Variants in WDR27 observed in about 807,000 individuals in gnomAD.
The protein encoded by WDR27 is WD repeat-containing protein 27.
A neutral mutation model predicts 114.4 loss-of-function variants in WDR27; 100 were observed. The observed-to-expected ratio is 0.87, with a 90% CI of 0.74 to 1.03. The LOEUF is 1.03. Ranked by LOEUF, WDR27 falls within the 50% of genes least tolerant of loss-of-function variation. WDR27 has a pLI of 0.00. For missense variants in WDR27, 1,129 were observed against 1,092.9 expected, an observed-to-expected ratio of 1.03 and a Z score of -0.47; for synonymous variants, 449 against 423.1, an observed-to-expected ratio of 1.06 and a Z score of -0.75.
chr6:169,481,709 T>G (rs1453509744), intron 25 of WDR27, among the ~76,000 whole-genome samples: 1 of 151,630 alleles, frequency 6.6e-6, no homozygotes, highest in Non-Finnish European at 1.5e-5. Context: ...ACGAACCCAC[T>G]GGGAGAGATG....
At chr6:169,454,406 A>T (rs1438317165), downstream of WDR27, among the ~76,000 whole-genome samples, 2 of 152,086 alleles carry the variant, frequency 1.3e-5, no homozygotes, top group Non-Finnish European at 2.9e-5. Flanking sequence ...TACATGACTC[A>T]CACAGGTTAT....
chr6:169,483,162 G>C (rs1788425970), intron 25 of WDR27, among the ~76,000 whole-genome samples: 3 of 152,180 alleles, frequency 2.0e-5, no homozygotes, highest in African/African-American at 7.2e-5. Context: ...AAAGCTAGCA[G>C]AAGACAAGAA....
chr6:169,500,985 G>C (rs1415307442), intron 25 of WDR27, among the ~76,000 whole-genome samples: 1 of 152,210 alleles, frequency 6.6e-6, no homozygotes, highest in African/African-American at 2.4e-5. Flanking sequence ...CAGGTCAGAG[G>C]CCGGGATTCT....
intron 9 of WDR27, among the ~76,000 whole-genome samples, chr6:169,661,987 G>C (rs73790087): frequency 8.5e-5 from 13 of 152,150 alleles, no homozygotes; most frequent in African/African-American, 3.1e-4. Flanking sequence ...CGGTAGATGG[G>C]AAAGTCTAGG....
At chr6:169,519,077 T>C (rs1463711784) in intron 25 of WDR27, among the ~76,000 whole-genome samples, 1 of 152,252 alleles carries the variant, frequency 6.6e-6, no homozygotes, top group Admixed American at 6.5e-5. Context: ...AAGTTCCTCA[T>C]TTCCATCTGA....
intron 22 of WDR27, among the ~76,000 whole-genome samples, chr6:169,612,235 C>T (rs996660727): frequency 4.7e-5 from 7 of 149,716 alleles, no homozygotes; most frequent in East Asian, 2.0e-4. Flanking sequence ...ATCGAGACCA[C>T]GGTGAGACCC....
intron 25 of WDR27, among the ~76,000 whole-genome samples, chr6:169,516,471 G>GC (rs1562521313): frequency 6.6e-6 from 1 of 151,976 alleles, no homozygotes. Context: ...ACTCCTCCAG[G>GC]GGGGCTAATT....
At chr6:169,620,589 A>T (rs1306743055) in intron 21 of WDR27, among the ~76,000 whole-genome samples, 2 of 152,082 alleles carry the variant, frequency 1.3e-5, no homozygotes, top group Non-Finnish European at 2.9e-5. Flanking sequence ...CTCGCCTCAA[A>T]TCCCACTTTA....
intron 1 of WDR27, among the ~76,000 whole-genome samples, chr6:169,697,847 C>T (rs563577925): frequency 1.2e-3 from 184 of 152,254 alleles, no homozygotes; most frequent in African/African-American, 4.0e-3. Flanking sequence ...GGGCCACTAC[C>T]GGTCTCCGTG....
chr6:169,557,462 T>C (rs534779511), intron 25 of WDR27, among the ~76,000 whole-genome samples: 1 of 152,342 alleles, frequency 6.6e-6, no homozygotes, highest in East Asian at 1.9e-4. Context: ...CTGGGGCCTC[T>C]GGCTGTTCAT....
At position 169,639,651 on chromosome 6, in the gene WDR27, A is replaced by G. The variant is rs147107427; in HGVS notation, c.1748-991T>C. ...TGCTGCTCTGATATTAAACTAAGGT[A>G]GGCGATGAGGCACAGTGTTTATTTC... On this transcript the variant is annotated intron_variant, in intron 17 of 25. Transcript: ENST00000448612. Among the ~76,000 whole-genome samples, 3 of 152,278 alleles carry G rather than the reference A, an allele frequency of 2.0e-5. No individual in the cohort carries two copies. The East Asian group carries it at 5.8e-4, about 29-fold the overall frequency.
intron 17 of WDR27, among the ~76,000 whole-genome samples, chr6:169,642,869 A>G (rs924321889): frequency 6.6e-6 from 1 of 152,152 alleles, no homozygotes; most frequent in Non-Finnish European, 1.5e-5. Flanking sequence ...TGTGTCCCAT[A>G]TTCGCAATGC....
Position 169,596,083 on chromosome 6 carries a change from CT to C in WDR27, c.2424+6135del, listed in dbSNP as rs200411801. Among the ~76,000 whole-genome samples, 514 of 152,112 alleles carry C rather than the reference CT, an allele frequency of 3.4e-3. 6 individuals are homozygous for C. Among genetic ancestry groups the C allele is most frequent in the East Asian group, 0.033 (171 of 5,192 alleles). ...TTTATAGTCAAATAGATTTGTTAAG[CT>C]ATATTTCTGTGCAAACTAGTCTGAG... On this transcript the variant is annotated intron_variant, in intron 23 of 25. Transcript: ENST00000448612.
intron 25 of WDR27, among the ~76,000 whole-genome samples, chr6:169,530,739 A>G (rs1262538058): frequency 3.3e-5 from 5 of 152,222 alleles, no homozygotes; most frequent in Non-Finnish European, 7.3e-5. Context: ...CTCACAGAAC[A>G]TCGAACCTCT....
intron 2 of WDR27, among the ~76,000 whole-genome samples, chr6:169,685,855 G>A (rs1782797932): frequency 2.0e-5 from 3 of 152,102 alleles, no homozygotes; most frequent in South Asian, 2.1e-4. Context: ...CAGGAAGCTC[G>A]AATAACCAAA....
At chr6:169,694,452 A>C (rs746136423) in intron 1 of WDR27, among the ~76,000 whole-genome samples, 4 of 152,250 alleles carry the variant, frequency 2.6e-5, no homozygotes, top group Non-Finnish European at 5.9e-5. Flanking sequence ...ATAACAAGTA[A>C]ATCATTCTAC....
intron 22 of WDR27, among the ~76,000 whole-genome samples, chr6:169,608,333 C>T (rs569415238): frequency 4.6e-5 from 7 of 152,216 alleles, no homozygotes; most frequent in Admixed American, 2.0e-4. Context: ...TCTAAGTGCC[C>T]ATCGACCAAT....
intron 25 of WDR27, among the ~76,000 whole-genome samples, chr6:169,556,564 C>A (rs1416473353): frequency 6.6e-6 from 1 of 152,270 alleles, no homozygotes; most frequent in African/African-American, 2.4e-5. Context: ...TCTGGGTTAG[C>A]AAAGGTTTCT....
intron 25 of WDR27, among the ~76,000 whole-genome samples, chr6:169,493,516 T>C (rs2115445003): frequency 6.6e-6 from 1 of 152,272 alleles, no homozygotes; most frequent in South Asian, 2.1e-4. Context: ...TATTTCTTCT[T>C]TGACCCCAGA....
Sources: gnomAD v4.1 joint callset for allele counts (sites outside exome capture counted in the v4.1 genomes callset) on GRCh38, gnomAD v4.1.1 for gene constraint, MANE v1.5 for transcripts, NCBI Gene and HGNC (gene_info 2026-07-23, HGNC 2026-07-21) for gene names.